The following TMC5 variants were observed in gnomAD, a reference collection of about 807,000 sequenced individuals.
TMC5 encodes the protein transmembrane channel-like protein 5.
A neutral mutation model predicts 110.5 loss-of-function variants in TMC5; 86 were observed. The ratio of observed to expected loss-of-function variants is 0.78; its 90% CI spans 0.65 to 0.93. The LOEUF is 0.93. Ranked by LOEUF, TMC5 falls within the 40% of genes least tolerant of loss-of-function variation. The pLI, the probability that TMC5 is intolerant of heterozygous loss-of-function variation, is 0.00. For synonymous variants in TMC5, 455 were observed against 439.5 expected (o/e 1.04, Z -0.44); for missense variants, 1,144 against 1,222.8 (o/e 0.94, Z 0.96).
intron 5 of TMC5, among the ~76,000 whole-genome samples, chr16:19,455,986 T>C (rs1967859352): frequency 6.6e-6 from 1 of 151,980 alleles, no homozygotes; most frequent in African/African-American, 2.4e-5. Flanking sequence ...GGCAGGAGGA[T>C]CACGAGGTCA....
rs1969078226 is a variant in TMC5 at position 19,497,162 on chromosome 16, T to C, written c.2973T>C (p.Leu991=). The change falls in exon 21 of 22, where the codon CTT becomes CTC. Residue 991 remains leucine, a splice_region_variant and synonymous_variant. Transcript: ENST00000542583. Reference sequence around the variant, plus strand: ...ATTTGGGGGAACATGATGGCAGTCTTGGTGAGTAATTAAACTGGGACAGAA... The same window carrying C: ...ATTTGGGGGAACATGATGGCAGTCTCGGTGAGTAATTAAACTGGGACAGAA... ...FLHLGEHDGS[L]DLRSRRSVQE... The C allele has an allele frequency of 2.5e-6, 4 of 1,613,816 alleles. No homozygotes were observed. The highest frequency in any genetic ancestry group is 3.4e-6 in the Non-Finnish European group (4 of 1,179,856).
At chr16:19,428,543 A>C (rs1464384858) in intron 1 of TMC5, among the ~76,000 whole-genome samples, 1 of 152,220 alleles carries the variant, frequency 6.6e-6, no homozygotes, top group Non-Finnish European at 1.5e-5. Flanking sequence ...TTGTTACTTC[A>C]GTAGTAAACA....
At position 19,487,338 on chromosome 16, in the gene TMC5, T is replaced by C. The variant is rs1487041755; in HGVS notation, c.2573+12T>C. On this transcript the variant is annotated intron_variant, in intron 17 of 21. Transcript: ENST00000542583. ...ATCACCATCTGGAGGTAGGAGAAGGTGGCCTTGGGGGAGGTTTTAGAGACT... is the reference window on the plus strand; with the variant it reads ...ATCACCATCTGGAGGTAGGAGAAGGCGGCCTTGGGGGAGGTTTTAGAGACT... 1 of 1,609,718 alleles carries C rather than the reference T, an allele frequency of 6.2e-7. No individual in the cohort carries two copies. The highest frequency in any genetic ancestry group is 8.5e-7 in the Non-Finnish European group (1 of 1,178,394).
intron 1 of TMC5, among the ~76,000 whole-genome samples, chr16:19,427,079 TC>T (rs1967101228): frequency 2.2e-5 from 1 of 44,768 alleles, no homozygotes; most frequent in Admixed American, 3.6e-4. Flanking sequence ...TGTGCCCCCC[TC>T]TCCAGCAGGC....
At chr16:19,443,904 GATAA>G (rs995491999) in intron 3 of TMC5, among the ~76,000 whole-genome samples, 173 bp from the exon 4 acceptor site, 21 of 151,918 alleles carry the variant, frequency 1.4e-4, no homozygotes, top group African/African-American at 4.1e-4. Context: ...TAAATGGATG[GATAA>G]ATACATGATT....
At position 19,460,387 on chromosome 16, in the gene TMC5, T is replaced by G. The variant is rs1028365299; in HGVS notation, c.1148+53T>G. ...TCAGATTTCATGCGAACCTCAATCCTCTACTTTTGCCCCATCTCAAAAAGA... is the reference window on the plus strand; with the variant it reads ...TCAGATTTCATGCGAACCTCAATCCGCTACTTTTGCCCCATCTCAAAAAGA... On this transcript the variant is annotated intron_variant, in intron 6 of 21. Transcript: ENST00000542583. The G allele has an allele frequency of 2.0e-5, 26 of 1,269,022 alleles. No individual in the cohort carries two copies. The African/African-American group carries it at 3.7e-4, about 18-fold the overall frequency. 78.6% of individuals were successfully genotyped at this position (1,269,022 alleles called of 1,614,324 possible).
At chr16:19,451,127 C>A (rs1967739891) in intron 5 of TMC5, among the ~76,000 whole-genome samples, 1 of 152,108 alleles carries the variant, frequency 6.6e-6, no homozygotes, top group South Asian at 2.1e-4. Flanking sequence ...GAGTGAGACC[C>A]TGTCTCAAAA....
chr16:19,479,945 A>AAG (rs1968576845), intron 14 of TMC5, among the ~76,000 whole-genome samples: 2 of 151,056 alleles, frequency 1.3e-5, no homozygotes, highest in South Asian at 2.1e-4. Flanking sequence ...AAAAAAAAAA[A>AAG]AAGAAGAAGA....
intron 11 of TMC5, 104 bp downstream of exon 11, chr16:19,472,347 C>T (rs1968365642): frequency 7.9e-7 from 1 of 1,267,908 alleles, no homozygotes; most frequent in Non-Finnish European, 1.1e-6. Context: ...GATCTATGGC[C>T]AGCAGCATCA....
chr16:19,435,825 A>G lies in TMC5; in HGVS notation c.-79-4135A>G, dbSNP rs542918714. Among the ~76,000 whole-genome samples the G allele has an allele frequency of 5.9e-5, 9 of 152,366 alleles. No individual in the cohort carries two copies. The South Asian group carries it at 1.9e-3, about 32-fold the overall frequency. On this transcript the variant is annotated intron_variant, in intron 2 of 21. Coordinates refer to ENST00000542583, the MANE Select transcript of TMC5 (RefSeq NM_001261841.2). ...TTTTCCTCATCCTTGCATCTGTGAC[A>G]TTCATCCATGACGCTGCGTGCAGCA... is the stretch of plus-strand genomic sequence containing the variant.
chr16:19,421,810 G>A (rs1966988493), intron 1 of TMC5, among the ~76,000 whole-genome samples: 1 of 152,226 alleles, frequency 6.6e-6, no homozygotes, highest in Admixed American at 6.5e-5. Context: ...TTTGAGCCAG[G>A]TGTGGTTGGC....
intron 4 of TMC5, among the ~76,000 whole-genome samples, chr16:19,446,177 G>C (rs1967611590): frequency 2.0e-5 from 3 of 152,110 alleles, no homozygotes; most frequent in Admixed American, 2.0e-4. Context: ...TGGGAGCACA[G>C]ACATCAGATA....
intron 12 of TMC5, among the ~76,000 whole-genome samples, chr16:19,476,595 T>G (rs1459483159): frequency 6.6e-6 from 1 of 152,186 alleles, no homozygotes. Context: ...ATAAAGAGGT[T>G]GGCAGTGTAC....
intron 15 of TMC5, among the ~76,000 whole-genome samples, chr16:19,482,625 T>G (rs1968645070): frequency 6.6e-6 from 1 of 152,188 alleles, no homozygotes; most frequent in African/African-American, 2.4e-5. Flanking sequence ...CAAACTTTAC[T>G]TTGCATCCAT....
chr16:19,476,361 GAA>G (rs1968489165), intron 12 of TMC5, among the ~76,000 whole-genome samples: 1 of 151,984 alleles, frequency 6.6e-6, no homozygotes, highest in Admixed American at 6.6e-5. Flanking sequence ...AAGAAAGAGA[GAA>G]AGAGAGAGAG....
At chr16:19,417,440 A>AAAG (rs1567293539), upstream of TMC5, among the ~76,000 whole-genome samples, 3 of 142,182 alleles carry the variant, frequency 2.1e-5, no homozygotes, top group Non-Finnish European at 1.5e-5. Context: ...AAAAAAAAAA[A>AAAG]GGAGCCAGTG....
chr16:19,468,126 C>T (rs1481846690), intron 9 of TMC5, among the ~76,000 whole-genome samples: 1 of 152,050 alleles, frequency 6.6e-6, no homozygotes, highest in African/African-American at 2.4e-5. Flanking sequence ...AGGCTCATGC[C>T]AACACACCCA....
intron 3 of TMC5, among the ~76,000 whole-genome samples, chr16:19,441,924 C>A (rs758317316): frequency 6.6e-6 from 1 of 152,182 alleles, no homozygotes; most frequent in Non-Finnish European, 1.5e-5. Flanking sequence ...CTACCTCAGT[C>A]TCCTGAGTAG....
intron 10 of TMC5, 96 bp from the exon 11 acceptor site, chr16:19,471,992 C>T: frequency 6.9e-6 from 9 of 1,297,564 alleles, no homozygotes; most frequent in Non-Finnish European, 8.6e-6. Flanking sequence ...AACTCCTGAC[C>T]TCAAGTGATC....
Sources: gnomAD v4.1 joint callset for allele counts (sites outside exome capture counted in the v4.1 genomes callset) on GRCh38, gnomAD v4.1.1 for gene constraint, MANE v1.5 for transcripts, NCBI Gene and HGNC (gene_info 2026-07-23, HGNC 2026-07-21) for gene names.